CADM1: variants seen among roughly 807,000 people sequenced by gnomAD.
The protein encoded by CADM1 is TSLC-1.
CADM1 carries 15 observed loss-of-function variants against 53.1 expected under a neutral mutation model. The observed-to-expected ratio is 0.28, with a 90% CI of 0.19 to 0.44. The LOEUF (loss-of-function observed/expected upper bound fraction) is 0.44, where lower values mean the gene tolerates loss of function less well. CADM1 is among the 20% of genes least tolerant of loss of function. The pLI, the probability that CADM1 is intolerant of heterozygous loss-of-function variation, is 1.00. For synonymous variants in CADM1, 281 were observed against 243.0 expected (o/e 1.16, Z -1.45); for missense variants, 434 against 611.3 (o/e 0.71, Z 3.06).
chr11:115,491,423 G>A (rs574849764), intron 1 of CADM1, among the ~76,000 whole-genome samples: 25 of 152,174 alleles, frequency 1.6e-4, no homozygotes, highest in African/African-American at 4.6e-4. Context: ...AAATTAGCCT[G>A]GCAAGGTGGT....
intron 1 of CADM1, among the ~76,000 whole-genome samples, chr11:115,491,400 C>G (rs1949493875): frequency 6.6e-6 from 1 of 151,944 alleles, no homozygotes; most frequent in Non-Finnish European, 1.5e-5. Flanking sequence ...CCCATCTCTA[C>G]TAAAAATACA....
intron 1 of CADM1, among the ~76,000 whole-genome samples, chr11:115,284,330 G>A (rs902415495): frequency 6.6e-6 from 1 of 152,070 alleles, no homozygotes; most frequent in East Asian, 1.9e-4. Flanking sequence ...TGTCGATGTT[G>A]TCTGTTGCCA....
chr11:115,188,201 T>C (rs1439638331), intron 10 of CADM1, among the ~76,000 whole-genome samples: 2 of 152,184 alleles, frequency 1.3e-5, no homozygotes, highest in Non-Finnish European at 2.9e-5. Flanking sequence ...GCTATTCTAT[T>C]CCACATGAGT....
At chr11:115,501,856 G>T (rs1949733833) in intron 1 of CADM1, among the ~76,000 whole-genome samples, 1 of 152,090 alleles carries the variant, frequency 6.6e-6, no homozygotes, top group Admixed American at 6.5e-5. Context: ...TACCCCTGGG[G>T]TATGGGACCC....
At chr11:115,345,219 C>T (rs760991764) in intron 1 of CADM1, among the ~76,000 whole-genome samples, 1 of 152,162 alleles carries the variant, frequency 6.6e-6, no homozygotes, top group Non-Finnish European at 1.5e-5. Context: ...GACTCTTAAC[C>T]AGCACTGGTT....
intron 9 of CADM1, among the ~76,000 whole-genome samples, chr11:115,194,303 A>G (rs957546733): frequency 6.6e-6 from 1 of 152,216 alleles, no homozygotes; most frequent in African/African-American, 2.4e-5. Flanking sequence ...CCACAACTGA[A>G]TATAAAGTAT....
chr11:115,199,286 C>T (rs188594120), intron 8 of CADM1, among the ~76,000 whole-genome samples: 2 of 152,338 alleles, frequency 1.3e-5, no homozygotes, highest in African/African-American at 4.8e-5. Context: ...TTCAGAACCA[C>T]GTTCACCATT....
chr11:115,298,531 T>C (rs1944138816), intron 1 of CADM1, among the ~76,000 whole-genome samples: 1 of 152,208 alleles, frequency 6.6e-6, no homozygotes, highest in Non-Finnish European at 1.5e-5. Context: ...TAGTCACCAC[T>C]TCATCTTGTA....
intron 1 of CADM1, among the ~76,000 whole-genome samples, chr11:115,475,515 C>T (rs1177105945): frequency 1.3e-5 from 2 of 152,246 alleles, no homozygotes; most frequent in South Asian, 2.1e-4. Flanking sequence ...CTGTCAACAG[C>T]CTAAATGTCC....
chr11:115,282,283 C>A (rs1034123393), intron 1 of CADM1, among the ~76,000 whole-genome samples: 1 of 152,092 alleles, frequency 6.6e-6, no homozygotes, highest in Non-Finnish European at 1.5e-5. Flanking sequence ...GGAAGCACAG[C>A]CAAACTGGTA....
intron 1 of CADM1, among the ~76,000 whole-genome samples, chr11:115,469,564 C>T (rs1483413682): frequency 6.6e-6 from 1 of 151,980 alleles, no homozygotes; most frequent in Non-Finnish European, 1.5e-5. Context: ...TGCATTAAAC[C>T]GTTTCAAACT....
At chr11:115,356,567 T>C (rs937919619) in intron 1 of CADM1, among the ~76,000 whole-genome samples, 1 of 152,122 alleles carries the variant, frequency 6.6e-6, no homozygotes, top group African/African-American at 2.4e-5. Context: ...TCTAATGAAA[T>C]CAGTGGTATA....
chr11:115,256,496 G>A (rs552912378), intron 1 of CADM1, among the ~76,000 whole-genome samples: 15 of 152,272 alleles, frequency 9.9e-5, no homozygotes, highest in Admixed American at 7.2e-4. Flanking sequence ...TCCGGATATA[G>A]GCTAACAGCA....
At chr11:115,259,873 CCTT>C (rs1942918999) in intron 1 of CADM1, among the ~76,000 whole-genome samples, 1 of 152,200 alleles carries the variant, frequency 6.6e-6, no homozygotes, top group African/African-American at 2.4e-5. Flanking sequence ...CTAGCCTTCT[CCTT>C]TGCTCAGTCC....
intron 1 of CADM1, among the ~76,000 whole-genome samples, chr11:115,480,947 G>A (rs1442567956): frequency 1.3e-5 from 2 of 151,822 alleles, no homozygotes; most frequent in Non-Finnish European, 2.9e-5. Context: ...CTCCTCCTGA[G>A]CCTCATCATG....
chr11:115,253,498 C>T (rs1033284104), intron 1 of CADM1, among the ~76,000 whole-genome samples: 1 of 152,076 alleles, frequency 6.6e-6, no homozygotes, highest in Non-Finnish European at 1.5e-5. Context: ...AAAAGTTGCA[C>T]AGACAAAATT....
chr11:115,482,425 A>G (rs1367648391), intron 1 of CADM1, among the ~76,000 whole-genome samples: 1 of 152,234 alleles, frequency 6.6e-6, no homozygotes, highest in Non-Finnish European at 1.5e-5. Flanking sequence ...GCACATAGTA[A>G]GTGATACACA....
At chr11:115,238,881 C>CAT (rs138598185) in intron 2 of CADM1, among the ~76,000 whole-genome samples, 25 of 151,270 alleles carry the variant, frequency 1.7e-4, no homozygotes, top group South Asian at 4.2e-4. Flanking sequence ...TATATGCACA[C>CAT]ATATATATAT....
chr11:115,450,261 C>T (rs1948542486), intron 1 of CADM1, among the ~76,000 whole-genome samples: 1 of 152,164 alleles, frequency 6.6e-6, no homozygotes, highest in Admixed American at 6.5e-5. Context: ...AAATACTGGT[C>T]CGCACAGGCC....
Sources: gnomAD v4.1 joint callset for allele counts (sites outside exome capture counted in the v4.1 genomes callset) on GRCh38, gnomAD v4.1.1 for gene constraint, MANE v1.5 for transcripts, NCBI Gene and HGNC (gene_info 2026-07-23, HGNC 2026-07-21) for gene names.